The following CCDC192 variants were observed in gnomAD, a reference collection of about 807,000 sequenced individuals.
The protein encoded by CCDC192 is coiled-coil domain-containing protein 192.
intron 3 of CCDC192, among the ~76,000 whole-genome samples, chr5:127,761,296 C>G (rs1408897250): frequency 1.3e-5 from 2 of 152,126 alleles, no homozygotes; most frequent in African/African-American, 4.8e-5. Flanking sequence ...CAGCAGTAAA[C>G]AAGATTGATA....
chr5:127,777,545 G>A (rs779098821), intron 3 of CCDC192, among the ~76,000 whole-genome samples: 5 of 152,168 alleles, frequency 3.3e-5, no homozygotes, highest in Non-Finnish European at 7.4e-5. Flanking sequence ...GGGAAGGCAC[G>A]ATTGGTTTTG....
At chr5:127,903,293 A>C (rs1271442202) in intron 6 of CCDC192, among the ~76,000 whole-genome samples, 1 of 147,604 alleles carries the variant, frequency 6.8e-6, no homozygotes, top group Non-Finnish European at 1.5e-5. Context: ...CCCAGGCTGG[A>C]GTGCAATGGC....
intron 5 of CCDC192, among the ~76,000 whole-genome samples, chr5:127,868,204 C>G (rs1248340734): frequency 6.6e-6 from 1 of 151,958 alleles, no homozygotes; most frequent in Non-Finnish European, 1.5e-5. Flanking sequence ...GAACCTTACA[C>G]TTAAAAAATC....
intron 2 of CCDC192, among the ~76,000 whole-genome samples, chr5:127,725,150 G>A (rs1264871513): frequency 6.6e-6 from 1 of 152,094 alleles, no homozygotes; most frequent in African/African-American, 2.4e-5. Flanking sequence ...TAGCAAAAGA[G>A]GAAAGCCCAA....
At chr5:127,778,521 T>A (rs901371293) in intron 3 of CCDC192, among the ~76,000 whole-genome samples, 24 of 152,186 alleles carry the variant, frequency 1.6e-4, no homozygotes. Context: ...TTGCTAGTAT[T>A]GTGTTGAGGA....
intron 2 of CCDC192, among the ~76,000 whole-genome samples, chr5:127,717,735 T>C (rs1580522846): frequency 6.6e-6 from 1 of 150,444 alleles, no homozygotes; most frequent in South Asian, 2.1e-4. Context: ...CAGCAATGGG[T>C]AGGAGGGGGA....
chr5:127,841,180 T>A (rs1031156704), intron 5 of CCDC192, among the ~76,000 whole-genome samples: 1 of 152,184 alleles, frequency 6.6e-6, no homozygotes, highest in East Asian at 1.9e-4. Context: ...CAAATTAGTA[T>A]TAGGATGTGG....
At chr5:127,874,394 C>A (rs1041890403) in intron 5 of CCDC192, among the ~76,000 whole-genome samples, 15 of 152,140 alleles carry the variant, frequency 9.9e-5, no homozygotes, top group African/African-American at 3.4e-4. Flanking sequence ...AGGTTTAGAT[C>A]TCATAAATCA....
intron 6 of CCDC192, among the ~76,000 whole-genome samples, chr5:127,933,572 C>T (rs996740969): frequency 6.6e-6 from 1 of 152,164 alleles, no homozygotes; most frequent in African/African-American, 2.4e-5. Flanking sequence ...AAGTGTTTTT[C>T]ATTCATTCTA....
chr5:127,784,601 C>T, intron 3 of CCDC192: 1 of 587,716 alleles, frequency 1.7e-6, no homozygotes, highest in East Asian at 4.4e-5. Flanking sequence ...ACAGTCAGAC[C>T]CTTCCTGGAG....
At position 127,733,932 on chromosome 5, in the gene CCDC192, T is replaced by TA. The variant is rs1310349870; in HGVS notation, c.115-20336_115-20335insA. ...TTCACTAACTATATATATATATATA[T>TA]TTTTTTATTATACTTTAAGTTTTAG... On this transcript the variant is annotated intron_variant, in intron 2 of 6. Transcript: ENST00000514853. Among the ~76,000 whole-genome samples the TA allele has an allele frequency of 5.1e-3, 689 of 135,594 alleles. 2 individuals are homozygous for TA. Among genetic ancestry groups the TA allele is most frequent in the African/African-American group, 0.019 (547 of 29,468 alleles). 89.0% of individuals were successfully genotyped at this position (135,594 alleles called of 152,430 possible).
At chr5:127,792,433 C>T (rs1313014162) in intron 3 of CCDC192, among the ~76,000 whole-genome samples, 1 of 151,886 alleles carries the variant, frequency 6.6e-6, no homozygotes, top group Admixed American at 6.6e-5. Flanking sequence ...TCAATTACCT[C>T]CCACAGGGTG....
At position 127,725,273 on chromosome 5, in the gene CCDC192, T is replaced by C. The variant is rs2126806095; in HGVS notation, c.114+17513T>C. Among the ~76,000 whole-genome samples the C allele has an allele frequency of 1.3e-5, 2 of 152,270 alleles. 1 individual carries two copies. Among genetic ancestry groups the C allele is most frequent in the East Asian group, 3.9e-4 (2 of 5,192 alleles). ...TCATTGATTCATGAATTTGAGGAAA[T>C]TTGTTAAAGTTTGTAGGAAATCATG... is the stretch of plus-strand genomic sequence containing the variant. On this transcript the variant is annotated intron_variant, in intron 2 of 6. Coordinates refer to ENST00000514853, the MANE Select transcript of CCDC192 (RefSeq NM_001317938.2).
At chr5:127,930,376 A>C (rs150908975) in intron 6 of CCDC192, among the ~76,000 whole-genome samples, 42 of 152,280 alleles carry the variant, frequency 2.8e-4, no homozygotes, top group Middle Eastern at 6.8e-3. Context: ...TCTTTCTTCC[A>C]TTCATTCAAT....
chr5:127,923,499 TC>T (rs1225135944), intron 6 of CCDC192, among the ~76,000 whole-genome samples: 1 of 151,856 alleles, frequency 6.6e-6, no homozygotes, highest in South Asian at 2.1e-4. Context: ...TGCCTCAGCC[TC>T]CCGAGTAGCT....
intron 5 of CCDC192, among the ~76,000 whole-genome samples, chr5:127,805,945 A>G (rs1757757548): frequency 1.3e-5 from 2 of 152,174 alleles, no homozygotes; most frequent in African/African-American, 4.8e-5. Flanking sequence ...CTTGCTGCCA[A>G]GCTTCTCTGT....
intron 2 of CCDC192, among the ~76,000 whole-genome samples, chr5:127,711,234 T>C (rs1197495101): frequency 2.0e-5 from 3 of 152,186 alleles, no homozygotes; most frequent in Non-Finnish European, 4.4e-5. Context: ...CTAGAATATA[T>C]ATGAAGTATT....
chr5:127,711,484 A>C (rs1055414552), intron 2 of CCDC192, among the ~76,000 whole-genome samples: 1 of 152,188 alleles, frequency 6.6e-6, no homozygotes, highest in Non-Finnish European at 1.5e-5. Context: ...GAAAGCAAGC[A>C]GTGTCTTATT....
chr5:127,721,412 A>G (rs1752014253), intron 2 of CCDC192, among the ~76,000 whole-genome samples: 3 of 152,152 alleles, frequency 2.0e-5, no homozygotes, highest in South Asian at 4.1e-4. Flanking sequence ...CCAGTTCTCA[A>G]TAAGTTCCTT....
Sources: allele counts gnomAD v4.1 joint callset (sites outside exome capture counted in the v4.1 genomes callset), GRCh38; gene constraint gnomAD v4.1.1; transcripts MANE v1.5; gene names NCBI Gene and HGNC (gene_info 2026-07-23, HGNC 2026-07-21).